NDUFAF2: variants seen among roughly 807,000 people sequenced by gnomAD.
NDUFAF2 encodes the protein NADH:ubiquinone oxidoreductase complex assembly factor 2, also known as NADH dehydrogenase [ubiquinone] 1 alpha subcomplex assembly factor 2.
In NDUFAF2, 13 loss-of-function variants were observed where a neutral mutation model predicts 22.8. That is an observed-to-expected ratio of 0.57 (90% CI 0.37 to 0.91). The LOEUF (loss-of-function observed/expected upper bound fraction) is 0.91, where lower values mean the gene tolerates loss of function less well. Among genes scored for constraint, NDUFAF2 ranks in the 40% least tolerant of loss-of-function variants. The pLI is 0.01. For synonymous variants in NDUFAF2, 53 were observed against 64.2 expected (o/e 0.83, Z 0.84); for missense variants, 162 against 195.2 (o/e 0.83, Z 1.01).
At chr5:61,141,150 C>T (rs186163749) in intron 3 of NDUFAF2, among the ~76,000 whole-genome samples, 35 of 152,056 alleles carry the variant, frequency 2.3e-4, no homozygotes, top group Admixed American at 4.6e-4. Context: ...TCACTTGAAC[C>T]TGGGAGGCGG....
Position 61,103,464 on chromosome 5 carries a change from C to T in NDUFAF2, c.258+4432C>T, listed in dbSNP as rs572167651. 1.4e-3 allele frequency among the ~76,000 whole-genome samples: 220 copies of T among 152,088 alleles called. 2 individuals carry two copies. Among genetic ancestry groups the T allele is most frequent in the African/African-American group, 5.1e-3 (213 of 41,518 alleles). On this transcript the variant is annotated intron_variant, in intron 3 of 3. Coordinates refer to ENST00000296597, the MANE Select transcript of NDUFAF2 (RefSeq NM_174889.5). ...CTCGGTATAACTACACTGCTGTGTA[C>T]TCCTGTATAACTCTTTAAGTTCAAT...
chr5:61,107,462 G>T (rs181743603), intron 3 of NDUFAF2, among the ~76,000 whole-genome samples: 1 of 151,282 alleles, frequency 6.6e-6, no homozygotes, highest in African/African-American at 2.5e-5. Context: ...AGTTGTTTGA[G>T]TTCCTTATAT....
intron 3 of NDUFAF2, among the ~76,000 whole-genome samples, chr5:61,126,499 C>T (rs1381860958): frequency 1.3e-5 from 2 of 151,878 alleles, no homozygotes; most frequent in African/African-American, 4.8e-5. Flanking sequence ...TGTATGTGTT[C>T]GTTGAAAATA....
At chr5:61,138,672 G>A (rs564401483) in intron 3 of NDUFAF2, among the ~76,000 whole-genome samples, 3 of 152,156 alleles carry the variant, frequency 2.0e-5, no homozygotes, top group Non-Finnish European at 4.4e-5. Context: ...AGGGAGACCA[G>A]GCCCTATTGA....
intron 1 of NDUFAF2, among the ~76,000 whole-genome samples, chr5:61,054,181 A>G (rs1474724549): frequency 6.6e-6 from 1 of 152,186 alleles, no homozygotes; most frequent in African/African-American, 2.4e-5. Context: ...TTCCTGGGTG[A>G]CAGAGTGAGA....
intron 1 of NDUFAF2, among the ~76,000 whole-genome samples, chr5:60,995,477 C>T (rs989081608): frequency 6.6e-6 from 1 of 152,192 alleles, no homozygotes; most frequent in African/African-American, 2.4e-5. Context: ...GGAGAATTCT[C>T]TAGATTACCA....
intron 1 of NDUFAF2, among the ~76,000 whole-genome samples, chr5:60,945,838 A>G (rs1157796608): frequency 2.0e-5 from 3 of 152,064 alleles, no homozygotes; most frequent in Non-Finnish European, 4.4e-5. Flanking sequence ...GAGTGGTGTA[A>G]TTGAAGAGGA....
At chr5:61,032,270 C>T (rs1175878315) in intron 1 of NDUFAF2, among the ~76,000 whole-genome samples, 1 of 152,092 alleles carries the variant, frequency 6.6e-6, no homozygotes. Flanking sequence ...GTTGCCATTG[C>T]CTTTGGTGTT....
chr5:60,949,701 A>G (rs1287840876), intron 1 of NDUFAF2, among the ~76,000 whole-genome samples: 2 of 152,200 alleles, frequency 1.3e-5, no homozygotes, highest in Non-Finnish European at 2.9e-5. Flanking sequence ...ATGGGATTTA[A>G]TGTCGAAATC....
intron 2 of NDUFAF2, among the ~76,000 whole-genome samples, chr5:61,081,852 A>G (rs1752446721): frequency 6.6e-6 from 1 of 152,256 alleles, no homozygotes; most frequent in Non-Finnish European, 1.5e-5. Flanking sequence ...TTTAACAGAA[A>G]TAAAAAGCAA....
chr5:60,971,747 A>G (rs1750834316), intron 1 of NDUFAF2, among the ~76,000 whole-genome samples: 1 of 151,950 alleles, frequency 6.6e-6, no homozygotes, highest in South Asian at 2.1e-4. Flanking sequence ...TTTGCTGACA[A>G]TGATGGTTTC....
chr5:61,152,935 G>A lies in NDUFAF2; in HGVS notation c.490G>A (p.Gly164Ser), dbSNP rs763914930. The A allele has an allele frequency of 6.2e-7, 1 of 1,612,924 alleles. No individual in the cohort carries two copies. Residue 164 changes from glycine (G) to serine (S), a missense_variant, in exon 4 of 4, where the codon GGC becomes AGC. Gly to Ser is a moderately conservative substitution (Grantham distance 56, BLOSUM62 0). This residue lies in a region of NDUFAF2 where 68 missense variants were observed against 110.0 expected (regional missense o/e 0.62). Transcript: ENST00000296597. ...GCCAGGATCCTGGATGCCACGAGATGGCAAGAGCCACAATCAATGAATGCA... is the reference window on the plus strand; with the variant it reads ...GCCAGGATCCTGGATGCCACGAGATAGCAAGAGCCACAATCAATGAATGCA... ...FQPGSWMPRD[G>S]KSHNQ
intron 3 of NDUFAF2, among the ~76,000 whole-genome samples, chr5:61,145,000 G>A (rs1024646854): frequency 6.6e-6 from 1 of 152,164 alleles, no homozygotes; most frequent in South Asian, 2.1e-4. Context: ...TTGCATGAGG[G>A]ACTGTATGAT....
chr5:60,949,712 A>G (rs537093419), intron 1 of NDUFAF2, among the ~76,000 whole-genome samples: 2 of 152,368 alleles, frequency 1.3e-5, no homozygotes, highest in African/African-American at 4.8e-5. Flanking sequence ...TGTCGAAATC[A>G]GTTTGACTTA....
intron 1 of NDUFAF2, among the ~76,000 whole-genome samples, chr5:60,995,634 C>T (rs1751219413): frequency 1.3e-5 from 2 of 152,214 alleles, no homozygotes; most frequent in Non-Finnish European, 2.9e-5. Flanking sequence ...AGACCTGAAG[C>T]CAACACAGCA....
At chr5:61,127,637 C>T (rs1342491069) in intron 3 of NDUFAF2, among the ~76,000 whole-genome samples, 3 of 152,052 alleles carry the variant, frequency 2.0e-5, no homozygotes, top group South Asian at 2.1e-4. Context: ...ATTGATGGGA[C>T]GTATCTCAAA....
At chr5:61,142,409 G>T (rs984515881) in intron 3 of NDUFAF2, among the ~76,000 whole-genome samples, 1 of 152,070 alleles carries the variant, frequency 6.6e-6, no homozygotes, top group African/African-American at 2.4e-5. Flanking sequence ...AGCCAGCAAA[G>T]AATATAAACA....
rs150340157 is a variant in NDUFAF2 at position 61,027,298 on chromosome 5, C to CT, written c.128-45812dup. On this transcript the variant is annotated intron_variant, in intron 1 of 3. Transcript: ENST00000296597. ...CCTGTGCTTAAAAGGTACACGTGGA[C>CT]TTTTTTTTTTTTTTTGAGTTTCAGA... Among the ~76,000 whole-genome samples, 303 of 135,986 alleles carry CT rather than the reference C, an allele frequency of 2.2e-3. 3 individuals carry two copies. Among genetic ancestry groups the CT allele is most frequent in the Admixed American group, 4.5e-3 (62 of 13,780 alleles). The allele number at this position is 135,986 out of a possible 152,430, so 89.2% of individuals were successfully genotyped here.
At chr5:61,072,594 C>CTATT (rs749171365) in intron 1 of NDUFAF2, among the ~76,000 whole-genome samples, 2 of 151,754 alleles carry the variant, frequency 1.3e-5, no homozygotes, top group Admixed American at 6.6e-5. Context: ...ATTTATTTAT[C>CTATT]TATTTATTTA....
Sources: gnomAD v4.1 joint callset for allele counts (sites outside exome capture counted in the v4.1 genomes callset) on GRCh38, gnomAD v4.1.1 for gene constraint, gnomAD v4.1.1 regional missense constraint, MANE v1.5 for transcripts, NCBI Gene and HGNC (gene_info 2026-07-23, HGNC 2026-07-21) for gene names.